PHACTR1: variants seen among roughly 807,000 people sequenced by gnomAD.
The protein encoded by PHACTR1 is RPEL repeat containing 1.
In PHACTR1, 16 loss-of-function variants were observed where a neutral mutation model predicts 69.2. That is an observed-to-expected ratio of 0.23 (90% CI 0.16 to 0.35). PHACTR1 has a LOEUF of 0.35. PHACTR1 is among the 10% of genes least tolerant of loss of function. PHACTR1 has a pLI of 1.00. For synonymous variants in PHACTR1, 312 were observed against 284.5 expected, an observed-to-expected ratio of 1.10 and a Z score of -0.97; for missense variants, 510 against 734.7, an observed-to-expected ratio of 0.69 and a Z score of 3.54.
In PHACTR1 at chr6:13,283,302, A is replaced by G. The variant is rs2127486574; in HGVS notation, c.1510-120A>G. 1.6e-6 allele frequency: 2 copies of G among 1,223,570 alleles called. No individual in the cohort carries two copies. The highest frequency in any genetic ancestry group is 2.3e-6 in the Non-Finnish European group (2 of 872,144). 75.8% of individuals were successfully genotyped at this position (1,223,570 alleles called of 1,614,324 possible). On this transcript the variant is annotated intron_variant, in intron 12 of 14. Transcript: ENST00000332995. The surrounding 1 kb of genome is among the most constrained non-coding windows in gnomAD (Gnocchi z 4.7). ...CCCCTGCCCCTGCCCCTCACTCACTATGCGATGCATCCATCGCCTCACTGA... is the reference window on the plus strand; with the variant it reads ...CCCCTGCCCCTGCCCCTCACTCACTGTGCGATGCATCCATCGCCTCACTGA...
intron 4 of PHACTR1, among the ~76,000 whole-genome samples, chr6:12,929,363 G>A (rs1467822232): frequency 6.6e-6 from 1 of 152,116 alleles, no homozygotes; most frequent in African/African-American, 2.4e-5. Flanking sequence ...CCGAATCTCT[G>A]TTCTGTCCTC....
At chr6:13,118,302 G>A (rs1399437214) in intron 5 of PHACTR1, among the ~76,000 whole-genome samples, 1 of 152,064 alleles carries the variant, frequency 6.6e-6, no homozygotes, top group African/African-American at 2.4e-5. Flanking sequence ...TTATGCCTGG[G>A]ATCCCTTCAC....
intron 4 of PHACTR1, among the ~76,000 whole-genome samples, chr6:12,896,519 C>A (rs758634898): frequency 1.3e-5 from 2 of 152,162 alleles, no homozygotes; most frequent in African/African-American, 4.8e-5. Flanking sequence ...CCCACCCCAA[C>A]CCTAAGGTAC....
chr6:13,088,416 T>G (rs1812670182), intron 5 of PHACTR1, among the ~76,000 whole-genome samples: 1 of 151,766 alleles, frequency 6.6e-6, no homozygotes, highest in Non-Finnish European at 1.5e-5. Context: ...TCTTGCCACC[T>G]GGGAGAAATT....
intron 5 of PHACTR1, among the ~76,000 whole-genome samples, chr6:13,110,206 T>A (rs892142246): frequency 6.6e-6 from 1 of 152,282 alleles, no homozygotes. Flanking sequence ...TTGTAGTTTT[T>A]TATTAAATAC....
chr6:13,046,907 G>A (rs1211629612), intron 4 of PHACTR1, among the ~76,000 whole-genome samples: 2 of 152,014 alleles, frequency 1.3e-5, no homozygotes, highest in African/African-American at 2.4e-5. Context: ...CTCTATAAGT[G>A]TATGGCATGA....
At chr6:13,060,057 G>T (rs1246682459) in intron 5 of PHACTR1, among the ~76,000 whole-genome samples, 1 of 152,160 alleles carries the variant, frequency 6.6e-6, no homozygotes, top group Non-Finnish European at 1.5e-5. Context: ...AGAGGCAGTG[G>T]CCAGAGAGGT....
chr6:12,929,779 A>G lies in PHACTR1; in HGVS notation c.251-123586A>G, dbSNP rs867010533. ...AGATAATATTTTGGAATAGTTTCTA[A>G]CTGATCAGCCTCTACTGAGATTGCT... On this transcript the variant is annotated intron_variant, in intron 4 of 14. Transcript: ENST00000332995. 4.6e-5 allele frequency among the ~76,000 whole-genome samples: 7 copies of G among 152,330 alleles called. No homozygotes were observed. In the South Asian group the frequency reaches 1.2e-3, roughly 27 times the overall value.
intron 10 of PHACTR1, among the ~76,000 whole-genome samples, chr6:13,247,631 C>A (rs537051000): frequency 1.5e-4 from 23 of 152,206 alleles, no homozygotes; most frequent in African/African-American, 5.3e-4. Flanking sequence ...CAGGTGTGAG[C>A]CACCGTGCCC....
rs754002679 is a variant in PHACTR1, at chr6:13,287,092, CTT to C, written c.*15_*16del. Reference sequence around the variant, plus strand: ...CACCGACCTTAACAGTCGAATTCCTCTTGAGTGCTATGCTGTCTTCAAAACAT... The same window carrying C: ...CACCGACCTTAACAGTCGAATTCCTCGAGTGCTATGCTGTCTTCAAAACAT... On this transcript the variant is annotated 3_prime_UTR_variant, in exon 15 of 15. Coordinates refer to ENST00000332995, the MANE Select transcript of PHACTR1 (RefSeq NM_030948.6). 30 of 1,601,796 alleles carry C rather than the reference CTT, an allele frequency of 1.9e-5. No homozygotes were observed. Among genetic ancestry groups the C allele is most frequent in the South Asian group, 7.9e-5 (7 of 88,948 alleles).
At chr6:12,801,321 G>A (rs1773669901) in intron 4 of PHACTR1, among the ~76,000 whole-genome samples, 1 of 152,172 alleles carries the variant, frequency 6.6e-6, no homozygotes, top group Admixed American at 6.5e-5. Flanking sequence ...CAGTGGCCAC[G>A]TGCCTCCTAG....
chr6:13,201,394 C>T (rs924931385), intron 7 of PHACTR1, among the ~76,000 whole-genome samples: 2 of 152,144 alleles, frequency 1.3e-5, no homozygotes, highest in Non-Finnish European at 2.9e-5. Context: ...GCGTGGTTAT[C>T]GGGAAATCCA....
chr6:13,182,495 G>T (rs771103846), intron 6 of PHACTR1, 24 bp from the exon 7 acceptor site: 2 of 1,611,572 alleles, frequency 1.2e-6, no homozygotes, highest in African/African-American at 2.7e-5. Flanking sequence ...GTCTAACTCT[G>T]CAATCTCCTT....
At chr6:12,792,909 C>T (rs1772516263) in intron 4 of PHACTR1, among the ~76,000 whole-genome samples, 2 of 142,486 alleles carry the variant, frequency 1.4e-5, no homozygotes, top group Admixed American at 7.2e-5. Flanking sequence ...ACTACACCTA[C>T]AGGCTTTCTA....
chr6:13,012,332 G>A (rs1393169655), intron 4 of PHACTR1, among the ~76,000 whole-genome samples: 1 of 152,178 alleles, frequency 6.6e-6, no homozygotes, highest in East Asian at 1.9e-4. Context: ...TGTAGAATTC[G>A]CCCAGTTGGA....
At chr6:13,221,211 T>C (rs1488477861) in intron 8 of PHACTR1, among the ~76,000 whole-genome samples, 2 of 152,086 alleles carry the variant, frequency 1.3e-5, no homozygotes, top group Non-Finnish European at 2.9e-5. Flanking sequence ...ACTTGGGCAA[T>C]GGCAAGTGGT....
At position 12,897,372 on chromosome 6, in the gene PHACTR1, C is replaced by T. The variant is rs142715698; in HGVS notation, c.250+147582C>T. Among the ~76,000 whole-genome samples, 28 of 152,284 alleles carry T rather than the reference C, an allele frequency of 1.8e-4. 1 individual carries two copies. In the East Asian group the frequency reaches 5.2e-3, roughly 28 times the overall value. On this transcript the variant is annotated intron_variant, in intron 4 of 14. Transcript: ENST00000332995. ...AATCCCACCCCTCTGGCCACAGACTCCACCCATCCTGCCTCTTTTGGGGAC... is the reference window on the plus strand; with the variant it reads ...AATCCCACCCCTCTGGCCACAGACTTCACCCATCCTGCCTCTTTTGGGGAC...
intron 5 of PHACTR1, among the ~76,000 whole-genome samples, chr6:13,079,704 G>T (rs1336514752): frequency 2.6e-5 from 4 of 152,044 alleles, no homozygotes; most frequent in Admixed American, 6.6e-5. Flanking sequence ...CCCTGAGAAG[G>T]TTGCATTATG....
intron 5 of PHACTR1, among the ~76,000 whole-genome samples, chr6:13,146,474 T>A (rs191947524): frequency 3.3e-5 from 5 of 152,238 alleles, no homozygotes; most frequent in Admixed American, 6.5e-5. Context: ...GTCAAAGCAG[T>A]AAGAATGTAA....
Sources: allele counts gnomAD v4.1 joint callset (sites outside exome capture counted in the v4.1 genomes callset), GRCh38; gene constraint gnomAD v4.1.1; non-coding constraint Gnocchi (gnomAD v3.1); transcripts MANE v1.5; gene names NCBI Gene and HGNC (gene_info 2026-07-23, HGNC 2026-07-21).